The following PXDNL variants were observed in gnomAD, a reference collection of about 807,000 sequenced individuals.
PXDNL encodes the protein peroxidasin like, also known as probable oxidoreductase PXDNL.
Under a neutral mutation model 150.8 loss-of-function variants are expected in PXDNL, and 145 were observed. The observed-to-expected ratio is 0.96, with a 90% CI of 0.84 to 1.10. PXDNL has a LOEUF of 1.10. Ranked by LOEUF, PXDNL falls within the 50% of genes least tolerant of loss-of-function variation. PXDNL has a pLI of 0.00. For synonymous variants in PXDNL, 757 were observed against 725.7 expected (o/e 1.04, Z -0.69); for missense variants, 2,087 against 1,873.9 (o/e 1.11, Z -2.10).
chr8:51,672,594 T>C (rs1815519889), intron 1 of PXDNL, among the ~76,000 whole-genome samples: 2 of 152,180 alleles, frequency 1.3e-5, no homozygotes, highest in African/African-American at 2.4e-5. Context: ...AGTCATACTC[T>C]AAGTGGTTGT....
At chr8:51,414,510 G>A (rs1808742081) in intron 14 of PXDNL, among the ~76,000 whole-genome samples, 2 of 151,196 alleles carry the variant, frequency 1.3e-5, no homozygotes, top group South Asian at 4.2e-4. Flanking sequence ...GAGTAAGTAG[G>A]GTGGCTCCAC....
chr8:51,790,107 A>G (rs941754059), intron 1 of PXDNL, among the ~76,000 whole-genome samples: 2 of 152,182 alleles, frequency 1.3e-5, no homozygotes, highest in African/African-American at 2.4e-5. Context: ...TTAAAAGGGG[A>G]AAAAAGCACA....
At chr8:51,587,477 C>A (rs1009516055) in intron 3 of PXDNL, among the ~76,000 whole-genome samples, 1 of 152,112 alleles carries the variant, frequency 6.6e-6, no homozygotes, top group Non-Finnish European at 1.5e-5. Flanking sequence ...GATCAAAACT[C>A]ACTAGAATTT....
At chr8:51,434,541 T>C (rs1809342700) in intron 12 of PXDNL, among the ~76,000 whole-genome samples, 1 of 152,192 alleles carries the variant, frequency 6.6e-6, no homozygotes, top group South Asian at 2.1e-4. Context: ...GTGAGTAAAA[T>C]AGTGATACCA....
chr8:51,439,106 A>C (rs1230629785), intron 12 of PXDNL, among the ~76,000 whole-genome samples: 24 of 152,242 alleles, frequency 1.6e-4, no homozygotes, highest in Admixed American at 1.6e-3. Flanking sequence ...GCTTCTGCAT[A>C]GTAAAAGAAA....
rs551584914 is a variant in PXDNL at position 51,787,643 on chromosome 8, A to C, written c.164+21538T>G. ...TTGCTTCTTATGGATGAGCAAAGAA[A>C]GTAGTTTCTTAAAATGGAGTCAACT... On this transcript the variant is annotated intron_variant, in intron 1 of 22. Coordinates refer to ENST00000356297, the MANE Select transcript of PXDNL (RefSeq NM_144651.5). Among the ~76,000 whole-genome samples, 3 of 152,366 alleles carry C rather than the reference A, an allele frequency of 2.0e-5. No homozygotes were observed. The South Asian group carries it at 6.2e-4, about 32-fold the overall frequency.
At chr8:51,509,065 C>A (rs755851546) in intron 4 of PXDNL, among the ~76,000 whole-genome samples, 5 of 152,132 alleles carry the variant, frequency 3.3e-5, no homozygotes, top group East Asian at 3.9e-4. Flanking sequence ...ACTGGTCCCC[C>A]ACCCTTGCCA....
At chr8:51,685,481 A>G (rs189239869) in intron 1 of PXDNL, among the ~76,000 whole-genome samples, 18 of 152,286 alleles carry the variant, frequency 1.2e-4, no homozygotes, top group African/African-American at 4.3e-4. Context: ...TTAGCCCCAT[A>G]TAGCTGGGCT....
intron 4 of PXDNL, among the ~76,000 whole-genome samples, chr8:51,529,821 C>G (rs1434665556): frequency 6.6e-6 from 1 of 152,190 alleles, no homozygotes; most frequent in East Asian, 1.9e-4. Flanking sequence ...CATCTTGGTA[C>G]ACGAAAACTC....
intron 18 of PXDNL, among the ~76,000 whole-genome samples, chr8:51,373,896 G>T (rs28414196): frequency 0.048 from 7,243 of 152,222 alleles, 544 homozygotes; most frequent in African/African-American, 0.16. Flanking sequence ...AGGCTGCTTA[G>T]GTTTGTATTT....
chr8:51,462,641 T>C lies in PXDNL; in HGVS notation c.813-4974A>G, dbSNP rs571386893. On this transcript the variant is annotated intron_variant, in intron 8 of 22. Transcript: ENST00000356297. ...GAAGGAATAAAATCTCTGAGAAATA[T>C]GGGATTACATAAGGAGACCAAACCT... is the stretch of plus-strand genomic sequence containing the variant. Among the ~76,000 whole-genome samples, 15 of 152,098 alleles carry C rather than the reference T, an allele frequency of 9.9e-5. No homozygotes were observed. In the South Asian group the frequency reaches 2.7e-3, roughly 27 times the overall value.
intron 2 of PXDNL, among the ~76,000 whole-genome samples, chr8:51,643,758 C>T (rs1435466259): frequency 1.3e-5 from 2 of 152,228 alleles, no homozygotes; most frequent in East Asian, 3.9e-4. Context: ...GAACAGGCAA[C>T]CTACAGAATG....
intron 1 of PXDNL, among the ~76,000 whole-genome samples, chr8:51,656,787 T>C (rs1285157003): frequency 1.3e-5 from 2 of 152,224 alleles, no homozygotes; most frequent in Admixed American, 6.5e-5. Context: ...TTCACGTGTG[T>C]ATGTTTACTA....
intron 4 of PXDNL, among the ~76,000 whole-genome samples, chr8:51,532,740 T>C (rs1432675919): frequency 6.6e-6 from 1 of 152,204 alleles, no homozygotes; most frequent in Non-Finnish European, 1.5e-5. Flanking sequence ...CTTCTGGTGC[T>C]GTCTCTTCTA....
At chr8:51,534,377 C>A (rs1194569053) in intron 4 of PXDNL, among the ~76,000 whole-genome samples, 1 of 146,662 alleles carries the variant, frequency 6.8e-6, no homozygotes, top group East Asian at 2.1e-4. Flanking sequence ...CCCCGCCAGG[C>A]CAGCCGCCCA....
intron 4 of PXDNL, among the ~76,000 whole-genome samples, chr8:51,531,576 G>T (rs1811908822): frequency 6.6e-6 from 1 of 152,308 alleles, no homozygotes. Context: ...AGCAAGTAAG[G>T]CATGAACACA....
intron 21 of PXDNL, among the ~76,000 whole-genome samples, chr8:51,329,606 T>C (rs1015715613): frequency 6.6e-6 from 1 of 152,068 alleles, no homozygotes; most frequent in Non-Finnish European, 1.5e-5. Context: ...TAAAAATAAC[T>C]ATGATTAATA....
intron 8 of PXDNL, among the ~76,000 whole-genome samples, chr8:51,462,782 A>T (rs1409776991): frequency 6.6e-6 from 1 of 152,190 alleles, no homozygotes; most frequent in Non-Finnish European, 1.5e-5. Flanking sequence ...CAGCATGCAA[A>T]TTCAAGAAAT....
At chr8:51,632,404 T>C (rs1213357041) in intron 2 of PXDNL, among the ~76,000 whole-genome samples, 2 of 152,048 alleles carry the variant, frequency 1.3e-5, no homozygotes, top group African/African-American at 2.4e-5. Flanking sequence ...AGTTCAAGAC[T>C]ACCCTGGTCA....
Sources: gnomAD v4.1 joint callset for allele counts (sites outside exome capture counted in the v4.1 genomes callset) on GRCh38, gnomAD v4.1.1 for gene constraint, MANE v1.5 for transcripts, NCBI Gene and HGNC (gene_info 2026-07-23, HGNC 2026-07-21) for gene names.